The following TIAM1 variants were observed in gnomAD, a reference collection of about 807,000 sequenced individuals.
TIAM1 encodes the protein TIAM Rac1 associated GEF 1.
TIAM1 carries 65 observed loss-of-function variants against 163.5 expected under a neutral mutation model. That is an observed-to-expected ratio of 0.40 (90% CI 0.33 to 0.49). TIAM1 has a LOEUF of 0.49. TIAM1 is among the 20% of genes least tolerant of loss of function. TIAM1 has a pLI of 0.77. For missense variants in TIAM1, 1,789 were observed against 2,044.7 expected, an observed-to-expected ratio of 0.87 and a Z score of 2.41; for synonymous variants, 833 against 810.1, an observed-to-expected ratio of 1.03 and a Z score of -0.48.
chr21:31,503,320 G>A lies in TIAM1; in HGVS notation c.-421-39285C>T, dbSNP rs923122860. On this transcript the variant is annotated intron_variant, in intron 1 of 28. Coordinates refer to the TIAM1 transcript ENST00000286827. Reference sequence around the variant, plus strand: ...TGAGGCACAAGAATCACTTGAACCCGGGAGGTGGAGGTTGCAGTGAGCCGA... The same window carrying A: ...TGAGGCACAAGAATCACTTGAACCCAGGAGGTGGAGGTTGCAGTGAGCCGA... Among the ~76,000 whole-genome samples, 15 of 151,208 alleles carry A rather than the reference G, an allele frequency of 9.9e-5. No homozygotes were observed. In the East Asian group the frequency reaches 1.2e-3, roughly 12 times the overall value.
chr21:31,156,377 G>C (rs1450524439), intron 16 of TIAM1, among the ~76,000 whole-genome samples: 1 of 152,198 alleles, frequency 6.6e-6, no homozygotes, highest in Non-Finnish European at 1.5e-5. Flanking sequence ...TTCTGACACT[G>C]AGTAACCCCA....
intron 2 of TIAM1, among the ~76,000 whole-genome samples, chr21:31,355,156 C>A (rs927207123): frequency 6.7e-6 from 1 of 148,500 alleles, no homozygotes; most frequent in Admixed American, 6.8e-5. Flanking sequence ...ACCCACCAGA[C>A]ACTGTTCCCC....
At chr21:31,243,209 A>AT (rs1555902485) in intron 6 of TIAM1, among the ~76,000 whole-genome samples, 8,968 of 116,550 alleles carry the variant, frequency 0.077, 416 homozygotes, top group South Asian at 0.2. Context: ...AAAAAAAAAA[A>AT]ATATATATAT....
At chr21:31,220,100 G>A (rs564847090) in intron 8 of TIAM1, among the ~76,000 whole-genome samples, 14 of 152,306 alleles carry the variant, frequency 9.2e-5, no homozygotes, top group Non-Finnish European at 1.6e-4. Context: ...AATAAATCCA[G>A]TCATTAACAG....
intron 12 of TIAM1, among the ~76,000 whole-genome samples, chr21:31,199,910 T>TAAA (rs113858336): frequency 7.1e-4 from 93 of 130,958 alleles, no homozygotes; most frequent in African/African-American, 2.4e-3. Flanking sequence ...AACATCACAT[T>TAAA]AAAAAAAAAA....
intron 2 of TIAM1, among the ~76,000 whole-genome samples, chr21:31,383,600 G>A (rs1392425351): frequency 1.3e-5 from 2 of 152,098 alleles, no homozygotes; most frequent in African/African-American, 4.8e-5. Context: ...ATCTCTTTCA[G>A]GCTGTCATTT....
At chr21:31,440,686 T>C (rs964086381) in intron 2 of TIAM1, among the ~76,000 whole-genome samples, 4 of 152,118 alleles carry the variant, frequency 2.6e-5, no homozygotes, top group Admixed American at 2.6e-4. Flanking sequence ...ATCGAGACCA[T>C]CCTGGCCAAC....
intron 1 of TIAM1, among the ~76,000 whole-genome samples, chr21:31,526,250 G>A (rs1168168028): frequency 6.6e-6 from 1 of 152,072 alleles, no homozygotes; most frequent in East Asian, 1.9e-4. Context: ...GAAGAGGGAA[G>A]GATAAGAAAC....
chr21:31,305,647 G>A (rs1268929672), intron 2 of TIAM1, among the ~76,000 whole-genome samples: 2 of 152,112 alleles, frequency 1.3e-5, no homozygotes, highest in African/African-American at 4.8e-5. Context: ...TTTTCAAACT[G>A]GGGTTTTAAC....
intron 2 of TIAM1, among the ~76,000 whole-genome samples, chr21:31,432,725 T>C (rs552514248): frequency 6.6e-6 from 1 of 152,314 alleles, no homozygotes; most frequent in South Asian, 2.1e-4. Context: ...GACATGCCCC[T>C]GCAGTGTCAG....
chr21:31,385,323 T>C (rs570961853), intron 2 of TIAM1, among the ~76,000 whole-genome samples: 2 of 152,280 alleles, frequency 1.3e-5, no homozygotes, highest in African/African-American at 4.8e-5. Flanking sequence ...TAGATATAGA[T>C]TTTTAAAAAA....
intron 1 of TIAM1, among the ~76,000 whole-genome samples, chr21:31,470,170 A>T (rs2045690792): frequency 6.6e-6 from 1 of 151,326 alleles, no homozygotes; most frequent in South Asian, 2.1e-4. Context: ...ACACCTGGCC[A>T]ATTTTTATAT....
At chr21:31,394,600 A>G (rs1204795601) in intron 2 of TIAM1, among the ~76,000 whole-genome samples, 1 of 152,006 alleles carries the variant, frequency 6.6e-6, no homozygotes, top group Non-Finnish European at 1.5e-5. Flanking sequence ...GCCAGGAGTG[A>G]GAGAGGAAGG....
At chr21:31,443,132 G>GA (rs2044496712) in intron 2 of TIAM1, among the ~76,000 whole-genome samples, 1 of 152,122 alleles carries the variant, frequency 6.6e-6, no homozygotes, top group South Asian at 2.1e-4. Context: ...CTTTAACTCT[G>GA]AAAAAACAAA....
intron 2 of TIAM1, among the ~76,000 whole-genome samples, chr21:31,451,970 T>C (rs775515689): frequency 9.9e-5 from 15 of 152,026 alleles, no homozygotes; most frequent in Admixed American, 3.3e-4. Flanking sequence ...GAGGTGATGC[T>C]AATAGAGATG....
chr21:31,265,472 C>T (rs977989660), intron 4 of TIAM1, among the ~76,000 whole-genome samples: 2 of 151,950 alleles, frequency 1.3e-5, no homozygotes, highest in African/African-American at 2.4e-5. Context: ...CAGCATCGCA[C>T]GGAACAGGAA....
Position 31,497,882 on chromosome 21 carries a change from T to C in TIAM1, c.-421-33847A>G, listed in dbSNP as rs538614950. Among the ~76,000 whole-genome samples the C allele has an allele frequency of 2.6e-5, 4 of 152,300 alleles. No homozygotes were observed. The South Asian group carries it at 8.3e-4, about 32-fold the overall frequency. ...AAGCTGGGGGCTTGGAAAAACATGT[T>C]CTATCAAGTTTCAGCCTAAATTGGA... On this transcript the variant is annotated intron_variant, in intron 1 of 28. Transcript: ENST00000286827.
chr21:31,433,515 G>T (rs568554175), intron 2 of TIAM1, among the ~76,000 whole-genome samples: 1 of 152,272 alleles, frequency 6.6e-6, no homozygotes, highest in African/African-American at 2.4e-5. Flanking sequence ...CTTTTAGTTG[G>T]AAGCTAGGGC....
chr21:31,540,561 G>A lies in TIAM1; in HGVS notation c.-422+18366C>T, dbSNP rs867672795. ...TGTGACCAGCTTGGGCAACATACGGGGACCCCCATCTCTGCAGATGAGGCT... is the reference window on the plus strand; with the variant it reads ...TGTGACCAGCTTGGGCAACATACGGAGACCCCCATCTCTGCAGATGAGGCT... On this transcript the variant is annotated intron_variant, in intron 1 of 28. Transcript: ENST00000286827. Among the ~76,000 whole-genome samples, 15 of 152,158 alleles carry A rather than the reference G, an allele frequency of 9.9e-5. No individual in the cohort carries two copies. In the South Asian group the frequency reaches 1.0e-3, roughly 11 times the overall value.
Sources: gnomAD v4.1 joint callset for allele counts (sites outside exome capture counted in the v4.1 genomes callset) on GRCh38, gnomAD v4.1.1 for gene constraint, MANE v1.5 for transcripts, NCBI Gene and HGNC (gene_info 2026-07-23, HGNC 2026-07-21) for gene names.